The following MED13L variants were observed in gnomAD, a reference collection of about 807,000 sequenced individuals.
MED13L encodes the protein mediator complex subunit 13L.
In MED13L, 7 loss-of-function variants were observed where a neutral mutation model predicts 220.9. The ratio of observed to expected loss-of-function variants is 0.03; its 90% CI spans 0.02 to 0.06. MED13L has a LOEUF of 0.06. Among genes scored for constraint, MED13L ranks in the 10% least tolerant of loss-of-function variants. MED13L has a pLI of 1.00. For missense variants in MED13L, 1,965 were observed against 2,760.5 expected (o/e 0.71, Z 6.46); for synonymous variants, 1,011 against 1,015.2 (o/e 1.00, Z 0.08).
At chr12:116,210,551 CTATATATATATA>C (rs3043762) in intron 2 of MED13L, among the ~76,000 whole-genome samples, 55 of 113,638 alleles carry the variant, frequency 4.8e-4, no homozygotes, top group Non-Finnish European at 7.2e-4. Flanking sequence ...AGAACGTAAC[CTATATATATATA>C]TATATATATA....
intron 13 of MED13L, among the ~76,000 whole-genome samples, chr12:116,004,751 C>T (rs1285803255): frequency 6.6e-6 from 1 of 152,142 alleles, no homozygotes; most frequent in Non-Finnish European, 1.5e-5. Context: ...ATCCATTCTT[C>T]CAGACCATTA....
In MED13L at chr12:116,118,393, T is replaced by C. The variant is rs533194124; in HGVS notation, c.311-6881A>G. 1.9e-4 allele frequency among the ~76,000 whole-genome samples: 29 copies of C among 152,296 alleles called. No homozygotes were observed. In the South Asian group the frequency reaches 3.5e-3, roughly 18 times the overall value. On this transcript the variant is annotated intron_variant, in intron 2 of 30. Transcript: ENST00000281928. ...AAATCAGTAGATAATTTAAAAAGCA[T>C]TCAGTGTTTGGATTTAAATTTCCTA...
Position 116,141,085 on chromosome 12 carries a change from A to C in MED13L, c.311-29573T>G, listed in dbSNP as rs533890879. Among the ~76,000 whole-genome samples, 11 of 152,348 alleles carry C rather than the reference A, an allele frequency of 7.2e-5. No individual in the cohort carries two copies. In the South Asian group the frequency reaches 2.3e-3, roughly 32 times the overall value. On this transcript the variant is annotated intron_variant, in intron 2 of 30. Transcript: ENST00000281928. ...CAACAAATAAATATGTGTTGAACTG[A>C]ATTCAACACAGAGATCAAGATGCCA...
intron 1 of MED13L, chr12:116,276,757 G>C: frequency 7.7e-7 from 1 of 1,299,812 alleles, no homozygotes; most frequent in Non-Finnish European, 9.9e-7. Context: ...GAGTGCGATT[G>C]CAACAGAGGG....
chr12:116,230,550 C>T, intron 2 of MED13L: 1 of 843,604 alleles, frequency 1.2e-6, no homozygotes, highest in African/African-American at 1.8e-5. Context: ...ATAAATAAAT[C>T]CAAATACTGC....
At chr12:116,144,305 C>T (rs769861929) in intron 2 of MED13L, among the ~76,000 whole-genome samples, 4 of 152,182 alleles carry the variant, frequency 2.6e-5, no homozygotes, top group Non-Finnish European at 5.9e-5. Flanking sequence ...CCCAACTACT[C>T]CTCAAATTTC....
At chr12:116,010,169 G>C (rs1879306726) in intron 9 of MED13L, among the ~76,000 whole-genome samples, 1 of 152,142 alleles carries the variant, frequency 6.6e-6, no homozygotes, top group Admixed American at 6.5e-5. Flanking sequence ...GTACCATAAT[G>C]GGTTTGGTAA....
intron 4 of MED13L, among the ~76,000 whole-genome samples, chr12:116,064,857 G>C (rs919539815): frequency 6.6e-6 from 1 of 152,112 alleles, no homozygotes; most frequent in African/African-American, 2.4e-5. Flanking sequence ...ATGAGGACAA[G>C]GGCCCCATCC....
chr12:116,162,791 A>AAGTG (rs1173217780), intron 2 of MED13L, among the ~76,000 whole-genome samples: 1 of 152,228 alleles, frequency 6.6e-6, no homozygotes, highest in African/African-American at 2.4e-5. Context: ...CTTTTATGTC[A>AAGTG]AGTGACTTTT....
chr12:116,113,503 A>T (rs58175699), intron 2 of MED13L, among the ~76,000 whole-genome samples: 2,519 of 146,360 alleles, frequency 0.017, 75 homozygotes, highest in African/African-American at 0.06. Flanking sequence ...TATATATATA[A>T]AATTAGCCAG....
chr12:116,171,093 T>C (rs1313821486), intron 2 of MED13L, among the ~76,000 whole-genome samples: 1 of 152,260 alleles, frequency 6.6e-6, no homozygotes, highest in Admixed American at 6.5e-5. Flanking sequence ...AATAATGTCT[T>C]CATATTTTAT....
chr12:115,993,516 T>C (rs2137315119), intron 16 of MED13L, among the ~76,000 whole-genome samples: 1 of 152,058 alleles, frequency 6.6e-6, no homozygotes, highest in Admixed American at 6.5e-5. Context: ...TAAAGAAATA[T>C]TAAATCTGAG....
rs137941480 is a variant in MED13L, at chr12:116,185,817, C to T, written c.310+51651G>A. Among the ~76,000 whole-genome samples, 5 of 152,218 alleles carry T rather than the reference C, an allele frequency of 3.3e-5. No homozygotes were observed. In the East Asian group the frequency reaches 5.8e-4, roughly 18 times the overall value. On this transcript the variant is annotated intron_variant, in intron 2 of 30. Coordinates refer to ENST00000281928, the MANE Select transcript of MED13L (RefSeq NM_015335.5). ...CAAGCAATTCTCCTGCCTCAGCCTC[C>T]TGAGTAGCTGGGATTACAAGCATGC...
At chr12:116,050,202 G>T (rs2137581221) in intron 4 of MED13L, among the ~76,000 whole-genome samples, 1 of 152,272 alleles carries the variant, frequency 6.6e-6, no homozygotes, top group Non-Finnish European at 1.5e-5. Context: ...ACTCTTTAGT[G>T]GAACAAAATA....
intron 2 of MED13L, among the ~76,000 whole-genome samples, chr12:116,217,945 A>G (rs1883099420): frequency 6.6e-6 from 1 of 152,236 alleles, no homozygotes; most frequent in Admixed American, 6.5e-5. Context: ...AACTAGTTAT[A>G]TATCTCAGTC....
chr12:116,020,111 A>G (rs890096773), intron 5 of MED13L, 139 bp from the exon 6 acceptor site: 5 of 822,178 alleles, frequency 6.1e-6, no homozygotes, highest in Non-Finnish European at 9.4e-6. Context: ...TATTTAAAGT[A>G]TGATTTAAAA....
intron 2 of MED13L, among the ~76,000 whole-genome samples, chr12:116,125,599 G>A (rs1049175979): frequency 6.6e-6 from 1 of 152,124 alleles, no homozygotes; most frequent in Non-Finnish European, 1.5e-5. Context: ...ATCAAACAAT[G>A]AGTCTTATTA....
Position 116,161,023 on chromosome 12 carries a change from C to A in MED13L, c.311-49511G>T, listed in dbSNP as rs563496481. ...TTCTTATAGTTCTGGCTGAGAAGTA[C>A]AAGACCATGAGGTCTGCATCTGATA... On this transcript the variant is annotated intron_variant, in intron 2 of 30. Coordinates refer to ENST00000281928, the MANE Select transcript of MED13L (RefSeq NM_015335.5). Among the ~76,000 whole-genome samples the A allele has an allele frequency of 2.2e-4, 33 of 152,270 alleles. No homozygotes were observed. The South Asian group carries it at 3.1e-3, about 14-fold the overall frequency.
intron 3 of MED13L, among the ~76,000 whole-genome samples, chr12:116,108,849 C>T (rs1024908245): frequency 7.9e-5 from 12 of 152,000 alleles, no homozygotes; most frequent in Admixed American, 3.9e-4. Context: ...TAATTACTGA[C>T]ATTAACAGTA....
Sources: allele counts gnomAD v4.1 joint callset (sites outside exome capture counted in the v4.1 genomes callset), GRCh38; gene constraint gnomAD v4.1.1; transcripts MANE v1.5; gene names NCBI Gene and HGNC (gene_info 2026-07-23, HGNC 2026-07-21).